NAV3: variants seen among roughly 807,000 people sequenced by gnomAD.
NAV3 encodes the protein neuron navigator 3, also known as pore membrane and/or filament interacting like protein 1.
Under a neutral mutation model 244.7 loss-of-function variants are expected in NAV3, and 87 were observed. That is an observed-to-expected ratio of 0.36 (90% CI 0.30 to 0.42). The LOEUF (loss-of-function observed/expected upper bound fraction) is 0.42, where lower values mean the gene tolerates loss of function less well. Ranked by LOEUF, NAV3 falls within the 20% of genes least tolerant of loss-of-function variation. NAV3 has a pLI of 1.00. For missense variants in NAV3, 2,663 were observed against 2,893.3 expected, an observed-to-expected ratio of 0.92 and a Z score of 1.83; for synonymous variants, 1,126 against 1,042.2, an observed-to-expected ratio of 1.08 and a Z score of -1.55.
At chr12:77,654,537 A>C (rs994034802) in intron 2 of NAV3, among the ~76,000 whole-genome samples, 1 of 152,128 alleles carries the variant, frequency 6.6e-6, no homozygotes, top group African/African-American at 2.4e-5. Flanking sequence ...GGCACAGACA[A>C]ACAAAAAGAC....
intron 7 of NAV3, among the ~76,000 whole-genome samples, chr12:78,002,590 C>T (rs1873487428): frequency 6.6e-6 from 1 of 152,072 alleles, no homozygotes; most frequent in Non-Finnish European, 1.5e-5. Flanking sequence ...AGCTCTTAAA[C>T]ACTTTGTTTT....
intron 2 of NAV3, among the ~76,000 whole-genome samples, chr12:77,761,493 C>G (rs1447652590): frequency 6.6e-6 from 1 of 152,156 alleles, no homozygotes; most frequent in Non-Finnish European, 1.5e-5. Flanking sequence ...AACAGGCAAT[C>G]TACAGAGTGG....
intron 28 of NAV3, 24 bp from the exon 29 acceptor site, chr12:78,179,505 G>A: frequency 6.2e-7 from 1 of 1,612,688 alleles, no homozygotes; most frequent in Non-Finnish European, 8.5e-7. Context: ...CCAGGCCACT[G>A]ATTCTGTTTG....
intron 1 of NAV3, among the ~76,000 whole-genome samples, chr12:77,857,746 C>T (rs1450409385): frequency 6.6e-6 from 1 of 151,462 alleles, no homozygotes; most frequent in Non-Finnish European, 1.5e-5. Flanking sequence ...ATTAAATATC[C>T]ATATATAAAA....
intron 2 of NAV3, among the ~76,000 whole-genome samples, chr12:77,754,224 T>C (rs1869009577): frequency 6.6e-6 from 1 of 152,058 alleles, no homozygotes. Flanking sequence ...TGCTCCACTC[T>C]CCTCAAGCTG....
At position 77,844,997 on chromosome 12, in the gene NAV3, C is replaced by T. The variant is rs528376216; in HGVS notation, c.243+13293C>T. On this transcript the variant is annotated intron_variant, in intron 1 of 39. Coordinates refer to ENST00000397909, the MANE Select transcript of NAV3 (RefSeq NM_001024383.2). ...GCATCATAATAACGTTAAGACATTACCTATCATTTTTGGAAGCAAATGAGA... is the reference window on the plus strand; with the variant it reads ...GCATCATAATAACGTTAAGACATTATCTATCATTTTTGGAAGCAAATGAGA... Among the ~76,000 whole-genome samples the T allele has an allele frequency of 2.4e-4, 36 of 152,202 alleles. No homozygotes were observed. In the South Asian group the frequency reaches 3.7e-3, roughly 16 times the overall value.
intron 1 of NAV3, among the ~76,000 whole-genome samples, chr12:77,915,237 C>T (rs1887008146): frequency 6.6e-6 from 1 of 151,872 alleles, no homozygotes; most frequent in Non-Finnish European, 1.5e-5. Context: ...TTTTTTAATA[C>T]AATAGTGGAC....
At chr12:78,127,330 T>A in intron 17 of NAV3, 122 bp downstream of exon 17, 1 of 967,586 alleles carries the variant, frequency 1.0e-6, no homozygotes. Flanking sequence ...AAATCACTTT[T>A]AATTTTGATG....
chr12:77,931,448 TTGTC>T (rs1386892198), intron 1 of NAV3, among the ~76,000 whole-genome samples: 1 of 152,110 alleles, frequency 6.6e-6, no homozygotes, highest in East Asian at 1.9e-4. Context: ...TGCTTCAGCT[TTGTC>T]TGTATTTTAT....
chr12:77,925,548 G>A (rs902094801), intron 1 of NAV3, among the ~76,000 whole-genome samples: 2 of 151,686 alleles, frequency 1.3e-5, no homozygotes, highest in African/African-American at 4.8e-5. Context: ...GCGGGGGGAG[G>A]TTTAGGGTGG....
rs1555237084 is a variant in NAV3, at chr12:77,945,132, AAT to A, written c.414+4001_414+4002del. Among the ~76,000 whole-genome samples the A allele has an allele frequency of 2.6e-3, 397 of 151,886 alleles. 1 individual carries two copies. The highest frequency in any genetic ancestry group is 9.2e-3 in the African/African-American group (381 of 41,390). On this transcript the variant is annotated intron_variant, in intron 3 of 39. Transcript: ENST00000397909. ...AAGACACTGTTAGAGAAAAAAAAAA[AAT>A]AAATAGCTTGAGAAGAAGACAGAGT...
chr12:77,603,433 G>T (rs1232230960), intron 2 of NAV3, among the ~76,000 whole-genome samples: 1 of 151,402 alleles, frequency 6.6e-6, no homozygotes, highest in East Asian at 1.9e-4. Flanking sequence ...AATTGAGTAA[G>T]TGAAGTCAGA....
intron 2 of NAV3, among the ~76,000 whole-genome samples, chr12:77,586,281 CTTTATT>C (rs1020052058): frequency 2.6e-5 from 4 of 152,122 alleles, no homozygotes; most frequent in Non-Finnish European, 5.9e-5. Flanking sequence ...GGAAGAGAAA[CTTTATT>C]TTTGATGCTT....
intron 21 of NAV3, among the ~76,000 whole-genome samples, chr12:78,148,551 C>T (rs1956953741): frequency 6.6e-6 from 1 of 152,042 alleles, no homozygotes; most frequent in African/African-American, 2.4e-5. Flanking sequence ...GGAGAAGAAT[C>T]AATACAGAGG....
chr12:78,183,979 C>T (rs1958604838), intron 30 of NAV3, among the ~76,000 whole-genome samples: 2 of 151,768 alleles, frequency 1.3e-5, no homozygotes. Context: ...TTCCCTTGTT[C>T]TTCACTTATC....
intron 34 of NAV3, among the ~76,000 whole-genome samples, chr12:78,194,572 C>T (rs1008715721): frequency 6.6e-6 from 1 of 152,014 alleles, no homozygotes; most frequent in Non-Finnish European, 1.5e-5. Flanking sequence ...GCTGGTCTTG[C>T]TTCTTCCTTT....
At position 78,021,822 on chromosome 12, in the gene NAV3, A is replaced by T. The variant is rs751363908; in HGVS notation, c.1983A>T (p.Ser661=). The part of the protein sequence containing the change: ...SCTSPTKMDL[S]YSKTAKQCLE... ...CCAGTCCTACAAAGATGGACTTATC[A>T]TATAGTAAGACTGCTAAGCAGTGCC... Residue 661 remains serine (S), a synonymous_variant, in exon 9 of 40, where the codon TCA becomes TCT. Transcript: ENST00000397909. 2.5e-6 allele frequency: 4 copies of T among 1,611,144 alleles called. No individual in the cohort carries two copies. Among genetic ancestry groups the T allele is most frequent in the Non-Finnish European group, 3.4e-6 (4 of 1,178,412 alleles).
chr12:78,011,711 A>G (rs117577450), intron 8 of NAV3, among the ~76,000 whole-genome samples: 5,653 of 152,264 alleles, frequency 0.037, 111 homozygotes, highest in Admixed American at 0.063. Flanking sequence ...TTGTAATTAT[A>G]TGAATGAGAG....
intron 2 of NAV3, among the ~76,000 whole-genome samples, chr12:77,803,236 T>C (rs1871805854): frequency 6.6e-6 from 1 of 152,068 alleles, no homozygotes; most frequent in Admixed American, 6.6e-5. Flanking sequence ...CATCAACCCA[T>C]CATTTACATT....
Sources: allele counts gnomAD v4.1 joint callset (sites outside exome capture counted in the v4.1 genomes callset), GRCh38; gene constraint gnomAD v4.1.1; transcripts MANE v1.5; gene names NCBI Gene and HGNC (gene_info 2026-07-23, HGNC 2026-07-21).